The following SDK1 variants were observed in gnomAD, a reference collection of about 807,000 sequenced individuals.
SDK1 encodes sidekick cell adhesion molecule 1, also known as protein sidekick-1.
In SDK1, 157 loss-of-function variants were observed where a neutral mutation model predicts 245.5. The ratio of observed to expected loss-of-function variants is 0.64; its 90% CI spans 0.56 to 0.73. The LOEUF (loss-of-function observed/expected upper bound fraction) is 0.73, where lower values mean the gene tolerates loss of function less well. Among genes scored for constraint, SDK1 ranks in the 30% least tolerant of loss-of-function variants. The probability of loss-of-function intolerance (pLI) is 0.00; values close to 1 mark genes in which losing one functional copy is unlikely to be tolerated. For synonymous variants in SDK1, 1,647 were observed against 1,278.5 expected (o/e 1.29, Z -6.15); for missense variants, 3,583 against 3,002.3 (o/e 1.19, Z -4.52).
At chr7:4,232,949 C>G (rs1302371974) in intron 40 of SDK1, 1 of 229,286 alleles carries the variant, frequency 4.4e-6, no homozygotes, top group Non-Finnish European at 8.5e-6. Context: ...TATAATAAAT[C>G]ATACATACAT....
At chr7:4,250,958 C>T (rs553628845) in intron 44 of SDK1, among the ~76,000 whole-genome samples, 113 of 152,310 alleles carry the variant, frequency 7.4e-4, no homozygotes, top group African/African-American at 2.6e-3. Context: ...CTTCTCCCTC[C>T]AAACCCTGGC....
chr7:3,321,774 CCT>C (rs1198357363), intron 1 of SDK1, among the ~76,000 whole-genome samples: 2 of 74,880 alleles, frequency 2.7e-5, no homozygotes, highest in East Asian at 5.2e-4. Flanking sequence ...TTCCTTCCTT[CCT>C]TCTCCTTCCT....
chr7:4,025,001 A>T (rs528514644), intron 17 of SDK1, among the ~76,000 whole-genome samples: 2 of 140,486 alleles, frequency 1.4e-5, no homozygotes, highest in East Asian at 4.0e-4. Flanking sequence ...GCACAATGAG[A>T]ACTCTATTTT....
intron 1 of SDK1, among the ~76,000 whole-genome samples, chr7:3,458,988 T>C (rs1191338731): frequency 6.6e-6 from 1 of 152,172 alleles, no homozygotes; most frequent in Non-Finnish European, 1.5e-5. Flanking sequence ...AAAGTTTCCA[T>C]GTAAACTTGT....
At chr7:3,794,331 T>G (rs886815656) in intron 4 of SDK1, among the ~76,000 whole-genome samples, 3 of 152,138 alleles carry the variant, frequency 2.0e-5, no homozygotes. Context: ...TTTTAAATTT[T>G]TATAACGATT....
chr7:4,192,235 T>G (rs1783251465), intron 35 of SDK1, among the ~76,000 whole-genome samples: 1 of 152,218 alleles, frequency 6.6e-6, no homozygotes. Flanking sequence ...GTGCTCACTT[T>G]GCGTCTCTGT....
At chr7:3,603,058 A>G (rs932288931) in intron 1 of SDK1, among the ~76,000 whole-genome samples, 12 of 152,136 alleles carry the variant, frequency 7.9e-5, no homozygotes, top group African/African-American at 2.9e-4. Context: ...TTTTGGTACC[A>G]GTGCCATGCT....
intron 1 of SDK1, among the ~76,000 whole-genome samples, chr7:3,560,315 G>A (rs930477492): frequency 1.3e-5 from 2 of 152,028 alleles, no homozygotes; most frequent in African/African-American, 2.4e-5. Context: ...ATATCCAAAT[G>A]TATGTCTTTT....
chr7:4,247,598 C>T (rs558861704), intron 44 of SDK1, among the ~76,000 whole-genome samples: 4 of 152,244 alleles, frequency 2.6e-5, no homozygotes, highest in African/African-American at 7.2e-5. Flanking sequence ...TCGGGCCTGT[C>T]CCTGCTGCCG....
At chr7:3,803,367 G>A (rs1779155840) in intron 4 of SDK1, among the ~76,000 whole-genome samples, 1 of 150,414 alleles carries the variant, frequency 6.6e-6, no homozygotes. Flanking sequence ...CTGGAGTGCA[G>A]TGGTGTGATC....
At chr7:3,961,353 A>C (rs576421963) in intron 8 of SDK1, among the ~76,000 whole-genome samples, 2 of 152,236 alleles carry the variant, frequency 1.3e-5, no homozygotes, top group African/African-American at 4.8e-5. Flanking sequence ...AAGAGAATCT[A>C]GGAAGACATT....
intron 1 of SDK1, among the ~76,000 whole-genome samples, chr7:3,591,606 T>C (rs573034839): frequency 8.5e-4 from 129 of 152,340 alleles, no homozygotes; most frequent in Non-Finnish European, 1.7e-3. Context: ...AGTGCCTTTT[T>C]AGTTTATATC....
rs192804860 is a variant in SDK1 at position 3,379,234 on chromosome 7, T to C, written c.298+77350T>C. 3.3e-3 allele frequency among the ~76,000 whole-genome samples: 500 copies of C among 152,296 alleles called. 5 individuals are homozygous for C. The highest frequency in any genetic ancestry group is 6.7e-3 in the Admixed American group (103 of 15,296). ...AGAAAATAATGGTGAAGAGAAGACC[T>C]GTCACGATGGAGCTTATGTATGGTC... On this transcript the variant is annotated intron_variant, in intron 1 of 44. Transcript: ENST00000404826.
chr7:3,996,092 A>G (rs1266494718), intron 14 of SDK1, among the ~76,000 whole-genome samples: 2 of 152,126 alleles, frequency 1.3e-5, no homozygotes, highest in Non-Finnish European at 2.9e-5. Flanking sequence ...GGTGTGTTAT[A>G]TACTCTGGCA....
intron 1 of SDK1, among the ~76,000 whole-genome samples, chr7:3,467,434 A>G (rs747738859): frequency 1.6e-3 from 247 of 152,218 alleles, no homozygotes; most frequent in Non-Finnish European, 3.0e-3. Flanking sequence ...ATAGTATAAA[A>G]ATAAAAAATA....
rs900627447 is a variant in SDK1, at chr7:4,136,671, G to T, written c.4228+4248G>T. On this transcript the variant is annotated intron_variant, in intron 28 of 44. Coordinates refer to ENST00000404826, the MANE Select transcript of SDK1 (RefSeq NM_152744.4). The stretch of plus-strand genomic sequence containing the variant: ...CCACCAGCTGACACCACATGGCCTT[G>T]ACTGGTATTACGCTAACGTGATGAT... Among the ~76,000 whole-genome samples the T allele has an allele frequency of 2.0e-5, 3 of 152,248 alleles. No individual in the cohort carries two copies. In the South Asian group the frequency reaches 6.2e-4, roughly 31 times the overall value.
At chr7:3,411,974 A>G (rs925056831) in intron 1 of SDK1, among the ~76,000 whole-genome samples, 4 of 152,206 alleles carry the variant, frequency 2.6e-5, no homozygotes, top group Non-Finnish European at 5.9e-5. Context: ...GAAACGCACA[A>G]AGAAAAGGAG....
chr7:3,473,981 C>A (rs1462109339), intron 1 of SDK1, among the ~76,000 whole-genome samples: 1 of 151,102 alleles, frequency 6.6e-6, no homozygotes, highest in South Asian at 2.1e-4. Flanking sequence ...TCAAATGCCT[C>A]GATATTTTTG....
chr7:3,733,580 G>A (rs148139929), intron 4 of SDK1, among the ~76,000 whole-genome samples: 2 of 152,222 alleles, frequency 1.3e-5, no homozygotes, highest in Admixed American at 6.5e-5. Context: ...CCATGTTTAA[G>A]GTCTGTGTTT....
Sources: allele counts gnomAD v4.1 joint callset (sites outside exome capture counted in the v4.1 genomes callset), GRCh38; gene constraint gnomAD v4.1.1; transcripts MANE v1.5; gene names NCBI Gene and HGNC (gene_info 2026-07-23, HGNC 2026-07-21).